The following RRN3 variants were observed in gnomAD, a reference collection of about 807,000 sequenced individuals.
The protein encoded by RRN3 is RNA polymerase I-specific transcription initiation factor RRN3.
Under a neutral mutation model 82.3 loss-of-function variants are expected in RRN3, and 38 were observed. The observed-to-expected ratio is 0.46, with a 90% CI of 0.36 to 0.61. The LOEUF is 0.61. RRN3 is among the 20% of genes least tolerant of loss of function. RRN3 has a pLI of 0.00. For missense variants in RRN3, 726 were observed against 793.1 expected (o/e 0.92, Z 1.02); for synonymous variants, 284 against 284.3 (o/e 1.00, Z 0.01).
intron 17 of RRN3, 99 bp downstream of exon 17, chr16:15,063,097 G>C (rs559382329): frequency 1.1e-6 from 1 of 897,258 alleles, no homozygotes; most frequent in African/African-American, 1.6e-5. Context: ...CCTAAAGTGC[G>C]GGGATTACAC....
At chr16:15,092,371 G>C (rs544996984) in intron 2 of RRN3, 138 bp downstream of exon 2, 2 of 659,208 alleles carry the variant, frequency 3.0e-6, no homozygotes, top group East Asian at 5.5e-5. Flanking sequence ...TTGCACTGAC[G>C]GCATCATGCT....
intron 14 of RRN3, among the ~76,000 whole-genome samples, chr16:15,068,944 A>C (rs1201817608): frequency 1.3e-5 from 2 of 152,212 alleles, no homozygotes; most frequent in Non-Finnish European, 2.9e-5. Context: ...AAATTACCTA[A>C]ATGGGATGTC....
chr16:15,063,476 A>T (rs2044806094), intron 16 of RRN3, among the ~76,000 whole-genome samples, 193 bp from the exon 17 acceptor site: 3 of 152,234 alleles, frequency 2.0e-5, no homozygotes, highest in Non-Finnish European at 4.4e-5. Flanking sequence ...TGGGAGGCTG[A>T]GGTGGGCAGA....
At position 15,071,200 on chromosome 16, in the gene RRN3, T is replaced by A; in HGVS notation, c.1180A>T (p.Ser394Cys). 1.2e-6 allele frequency: 2 copies of A among 1,611,216 alleles called. No homozygotes were observed. The highest frequency in any genetic ancestry group is 1.7e-6 in the Non-Finnish European group (2 of 1,179,532). ...EHLWKKLQDP[S>C]NPAIIRQAAG... Reference sequence around the variant, plus strand: ...GCCTGCCTGATGATGGCAGGATTACTTGGGTCCTGCAATTTTTTCCAGAGA... The same window carrying A: ...GCCTGCCTGATGATGGCAGGATTACATGGGTCCTGCAATTTTTTCCAGAGA... Residue 394 changes from serine to cysteine, a missense_variant, in exon 13 of 18, where the codon AGT becomes TGT. Physicochemically the swap from Ser to Cys is moderately radical, Grantham distance 112 (BLOSUM62 -1). This residue lies in a region of RRN3 where 344 missense variants were observed against 394.5 expected (regional missense o/e 0.87). Coordinates refer to ENST00000198767, the MANE Select transcript of RRN3 (RefSeq NM_018427.5).
At chr16:15,065,982 T>A (rs2044952726) in intron 15 of RRN3, among the ~76,000 whole-genome samples, 2 of 152,384 alleles carry the variant, frequency 1.3e-5, no homozygotes, top group Admixed American at 6.5e-5. Context: ...ATTATGTTTT[T>A]AATTTTTCCA....
chr16:15,079,051 C>A (rs1256696902), intron 9 of RRN3, among the ~76,000 whole-genome samples: 1 of 152,118 alleles, frequency 6.6e-6, no homozygotes, highest in Non-Finnish European at 1.5e-5. Context: ...ACCTCGTGAT[C>A]CGCCCGCCTC....
intron 17 of RRN3, among the ~76,000 whole-genome samples, chr16:15,062,915 T>C (rs2044771689): frequency 6.6e-6 from 1 of 152,214 alleles, no homozygotes; most frequent in African/African-American, 2.4e-5. Flanking sequence ...CAGGATGAAG[T>C]GCCATGCTGC....
Position 15,092,762 on chromosome 16 carries a change from T to C in RRN3, c.90-148A>G, listed in dbSNP as rs566083841. On this transcript the variant is annotated intron_variant, in intron 1 of 17. Transcript: ENST00000198767. ...TGCTTCCACTCTTAACCAACAATCCTTCCTTTGCTCAGCAACCAATAACTG... is the reference window on the plus strand; with the variant it reads ...TGCTTCCACTCTTAACCAACAATCCCTCCTTTGCTCAGCAACCAATAACTG... The C allele has an allele frequency of 3.8e-4, 241 of 628,096 alleles. 1 individual carries two copies. In the African/African-American group the frequency reaches 4.1e-3, roughly 11 times the overall value. The allele number at this position is 628,096 out of a possible 1,614,324, so 38.9% of individuals were successfully genotyped here. A position where few individuals can be genotyped will look rare whatever the true frequency, so the allele number is the denominator to read the frequency against.
At position 15,065,871 on chromosome 16, in the gene RRN3, C is replaced by T. The variant is rs1272838062; in HGVS notation, c.1554-500G>A. Among the ~76,000 whole-genome samples the T allele has an allele frequency of 5.3e-5, 8 of 152,052 alleles. No individual in the cohort carries two copies. The South Asian group carries it at 1.0e-3, about 20-fold the overall frequency. ...ATAAGCCTTTACTGAAGGAGGGACA[C>T]GGGGTTGACTAAGTCATGACCTCAA... On this transcript the variant is annotated intron_variant, in intron 15 of 17. Coordinates refer to ENST00000198767, the MANE Select transcript of RRN3 (RefSeq NM_018427.5).
intron 9 of RRN3, among the ~76,000 whole-genome samples, chr16:15,078,793 C>T (rs1236491014): frequency 6.7e-6 from 1 of 150,350 alleles, no homozygotes; most frequent in Non-Finnish European, 1.5e-5. Context: ...TTCCAACTGC[C>T]TCCTCTTCGT....
chr16:15,074,996 G>A (rs2045390506), intron 10 of RRN3, 135 bp from the exon 11 acceptor site: 2 of 876,318 alleles, frequency 2.3e-6, no homozygotes, highest in Non-Finnish European at 3.4e-6. Flanking sequence ...ACATCTATAA[G>A]CCCAGCACTT....
chr16:15,065,670 C>T (rs1233032558), intron 15 of RRN3, among the ~76,000 whole-genome samples: 1 of 151,866 alleles, frequency 6.6e-6, no homozygotes, highest in Non-Finnish European at 1.5e-5. Flanking sequence ...GTAATAGATA[C>T]TATTCATTAA....
rs2045376297 is a variant in RRN3, at chr16:15,074,706, T to C, written c.997+17A>G. The stretch of plus-strand genomic sequence containing the variant: ...TACACTGCAGGTGTTCAATAAACAG[T>C]AGCTACTGTGATTTACCATCTACAT... On this transcript the variant is annotated intron_variant, in intron 11 of 17. Transcript: ENST00000198767. 3 of 1,603,734 alleles carry C rather than the reference T, an allele frequency of 1.9e-6. No individual in the cohort carries two copies. The African/African-American group carries it at 4.0e-5, about 21-fold the overall frequency.
rs753359103 is a variant in RRN3, at chr16:15,073,081, C to CA, written c.998-2_998-1insT. 1 of 1,603,038 alleles carries CA rather than the reference C, an allele frequency of 6.2e-7. No individual in the cohort carries two copies. Among genetic ancestry groups the CA allele is most frequent in the Non-Finnish European group, 8.5e-7 (1 of 1,177,574 alleles). ...TTTGTTTTGCCGTTATCAACCTTAC[C>CA]TATGGAGAAAATCTGGCATCTCAGT... On this transcript the variant is annotated splice_acceptor_variant, in intron 11 of 17. Coordinates refer to ENST00000198767, the MANE Select transcript of RRN3 (RefSeq NM_018427.5). LOFTEE classifies it high-confidence loss of function.
chr16:15,084,690 A>G lies in RRN3; in HGVS notation c.548T>C (p.Phe183Ser), dbSNP rs1255627052. 3 of 1,612,998 alleles carry G rather than the reference A, an allele frequency of 1.9e-6. No homozygotes were observed. The highest frequency in any genetic ancestry group is 2.5e-6 in the Non-Finnish European group (3 of 1,179,112). Reference sequence around the variant, plus strand: ...TTGCAAGGCTCTGTGACATGTGTCAAAATTTGCAGGAAGATCTGAAAGGAG... The same window carrying G: ...TTGCAAGGCTCTGTGACATGTGTCAGAATTTGCAGGAAGATCTGAAAGGAG... Reference protein sequence around the residue: ...DDEDDNLPANFDTCHRALQII... With the variant: ...DDEDDNLPANSDTCHRALQII... The change falls in exon 7 of 18, where the codon TTT becomes TCT. Residue 183 changes from phenylalanine (F) to serine (S), a missense_variant. Phe to Ser is a radical substitution (Grantham distance 155). This residue lies in a region of RRN3 where 344 missense variants were observed against 394.5 expected (regional missense o/e 0.87). Transcript: ENST00000198767.
chr16:15,078,935 C>T (rs1398790489), intron 9 of RRN3, among the ~76,000 whole-genome samples: 1 of 151,944 alleles, frequency 6.6e-6, no homozygotes, highest in Non-Finnish European at 1.5e-5. Context: ...CCTCAGCCTC[C>T]CGAGTAGCTG....
rs139044962 is a variant in RRN3 at position 15,074,786 on chromosome 16, C to T, written c.934G>A (p.Glu312Lys). Reference protein sequence around the residue: ...RLDQMVHPVAERLDILMSLVL... With the variant: ...RLDQMVHPVAKRLDILMSLVL... ...AAAGACATCAGGATGTCCAGGCGCT[C>T]GGCTACAGGATGCACCATCTGGTCG... The change falls in exon 11 of 18, where the codon GAG becomes AAG. Residue 312 changes from glutamate (E) to lysine (K), a missense_variant. Glu to Lys is a moderately conservative substitution (Grantham distance 56). Around this residue, in one of 4 missense-constraint regions of RRN3, gnomAD observed 344 missense variants for 394.5 expected, o/e 0.87. Transcript: ENST00000198767. 180 of 1,614,010 alleles carry T rather than the reference C, an allele frequency of 1.1e-4. 1 individual carries two copies. In the East Asian group the frequency reaches 1.6e-3, roughly 15 times the overall value.
chr16:15,066,640 A>T (rs556250750), intron 15 of RRN3, among the ~76,000 whole-genome samples: 33 of 151,352 alleles, frequency 2.2e-4, no homozygotes, highest in Admixed American at 9.2e-4. Flanking sequence ...CTCAAATAAA[A>T]AAAAAAAAAA....
intron 3 of RRN3, among the ~76,000 whole-genome samples, chr16:15,089,807 A>G (rs982935834): frequency 2.3e-5 from 3 of 132,800 alleles, no homozygotes; most frequent in African/African-American, 8.0e-5. Flanking sequence ...AAAAAAAAAA[A>G]AAAACAGATT....
Sources: allele counts gnomAD v4.1 joint callset (sites outside exome capture counted in the v4.1 genomes callset), GRCh38; gene constraint gnomAD v4.1.1; regional missense constraint gnomAD v4.1.1; transcripts MANE v1.5; gene names NCBI Gene and HGNC (gene_info 2026-07-23, HGNC 2026-07-21).